Variants in FANCL observed in about 807,000 individuals in gnomAD.
The protein encoded by FANCL is FA complementation group L, also known as E3 ubiquitin-protein ligase FANCL.
In FANCL, 69 loss-of-function variants were observed where a neutral mutation model predicts 59.4. That is an observed-to-expected ratio of 1.16 (90% CI 0.96 to 1.42). The LOEUF (loss-of-function observed/expected upper bound fraction) is 1.42. Among genes scored for constraint, FANCL ranks in the 40% most tolerant of loss-of-function variants. The pLI, the probability that FANCL is intolerant of heterozygous loss-of-function variation, is 0.00. For missense variants in FANCL, 519 were observed against 447.2 expected, an observed-to-expected ratio of 1.16 and a Z score of -1.45; for synonymous variants, 180 against 147.1, an observed-to-expected ratio of 1.22 and a Z score of -1.62.
At chr2:58,161,424 A>G in intron 12 of FANCL, 98 bp downstream of exon 12, 2 of 827,080 alleles carry the variant, frequency 2.4e-6, no homozygotes, top group African/African-American at 1.7e-5. Flanking sequence ...GAGGATCACT[A>G]TTGACTCAAC....
rs1337676826 is a variant in FANCL at position 58,163,459 on chromosome 2, C to T, written c.750G>A (p.Glu250=). The change falls in exon 9 of 14, where the codon GAG becomes GAA. Residue 250 remains glutamate (E), a synonymous_variant. Transcript: ENST00000233741. The part of the protein sequence containing the change: ...VDPRHPTMLP[E]CFFLGADHVV... Reference sequence around the variant, plus strand: ...CATGGTCAGCTCCAAGAAAGAAGCACTCAGGAAGCATAGTAGGATGCCTGG... The same window carrying T: ...CATGGTCAGCTCCAAGAAAGAAGCATTCAGGAAGCATAGTAGGATGCCTGG... The T allele has an allele frequency of 1.9e-6, 3 of 1,610,894 alleles. No homozygotes were observed. Among genetic ancestry groups the T allele is most frequent in the Non-Finnish European group, 2.5e-6 (3 of 1,177,446 alleles).
chr2:58,220,378 A>T (rs1291560184), intron 5 of FANCL, among the ~76,000 whole-genome samples: 3 of 152,170 alleles, frequency 2.0e-5, no homozygotes, highest in Admixed American at 6.5e-5. Flanking sequence ...GTCAAATTTT[A>T]GTGGTTAAAA....
intron 1 of FANCL, among the ~76,000 whole-genome samples, chr2:58,233,946 GT>G (rs2103949216): frequency 6.6e-6 from 1 of 151,102 alleles, no homozygotes; most frequent in African/African-American, 2.4e-5. Context: ...TCTTATACGA[GT>G]AAATAAAAAA....
At chr2:58,161,315 A>G (rs1415194533) in intron 12 of FANCL, among the ~76,000 whole-genome samples, 2 of 151,904 alleles carry the variant, frequency 1.3e-5, no homozygotes, top group East Asian at 3.9e-4. Flanking sequence ...TCTCCCTTGG[A>G]TACTTCAGAA....
rs774067966 is a variant in FANCL, at chr2:58,159,789, T to TA, written c.1103dup (p.Leu368PhefsTer11). The TA allele has an allele frequency of 1.2e-6, 2 of 1,612,964 alleles. No individual in the cohort carries two copies. The highest frequency in any genetic ancestry group is 2.7e-5 in the African/African-American group (2 of 75,018). On this transcript the variant is annotated frameshift_variant, in exon 14 of 14. Transcript: ENST00000233741. LOFTEE classifies it high-confidence loss of function. ...TTCAGTGTTTCCTTCCAGACATTTT[T>TA]AAGGTAATTGGCTTTAAAAAGAGAA...
chr2:58,186,823 T>C (rs1021405145), intron 7 of FANCL, among the ~76,000 whole-genome samples: 1 of 152,118 alleles, frequency 6.6e-6, no homozygotes, highest in Non-Finnish European at 1.5e-5. Context: ...ACTGAAGCAA[T>C]GTGGTTGAGT....
At chr2:58,172,479 C>T (rs747489023) in intron 7 of FANCL, among the ~76,000 whole-genome samples, 10 of 152,156 alleles carry the variant, frequency 6.6e-5, no homozygotes, top group African/African-American at 9.6e-5. Context: ...GCTACTGGTA[C>T]CCAGGCAAAC....
chr2:58,204,716 T>A (rs566276511), intron 5 of FANCL, among the ~76,000 whole-genome samples: 23 of 152,240 alleles, frequency 1.5e-4, no homozygotes, highest in African/African-American at 5.5e-4. Flanking sequence ...ATACTCAAAT[T>A]GATCCTCTAA....
chr2:58,221,704 TCTTA>T (rs1386457259), intron 5 of FANCL, among the ~76,000 whole-genome samples: 18 of 152,320 alleles, frequency 1.2e-4, no homozygotes, highest in East Asian at 9.6e-4. Flanking sequence ...TACGGTAACA[TCTTA>T]CTGTGTACAT....
intron 4 of FANCL, among the ~76,000 whole-genome samples, chr2:58,225,422 T>C (rs995371701): frequency 1.3e-5 from 2 of 152,004 alleles, no homozygotes; most frequent in Non-Finnish European, 2.9e-5. Flanking sequence ...ATGCAGATGA[T>C]GGAATTTTTA....
chr2:58,226,685 C>G (rs779198812), intron 4 of FANCL, 43 bp downstream of exon 4: 1 of 1,416,230 alleles, frequency 7.1e-7, no homozygotes, highest in South Asian at 1.2e-5. Flanking sequence ...GAAATCAAGA[C>G]TTGCAGTATG....
In FANCL at chr2:58,160,196, A is replaced by G; in HGVS notation, c.1021-17T>C. On this transcript the variant is annotated splice_polypyrimidine_tract_variant and intron_variant, in intron 12 of 13. Transcript: ENST00000233741. ...TCTCAGCCACTGCAAATTTTAAAAG[A>G]TAAAGGAGAAGCGTCAGCATGATTA... The G allele has an allele frequency of 6.2e-7, 1 of 1,611,184 alleles. No homozygotes were observed. Among genetic ancestry groups the G allele is most frequent in the Non-Finnish European group, 8.5e-7 (1 of 1,177,596 alleles).
intron 12 of FANCL, 133 bp downstream of exon 12, chr2:58,161,389 G>A: frequency 4.2e-6 from 3 of 716,614 alleles, no homozygotes; most frequent in Non-Finnish European, 2.6e-6. Flanking sequence ...GGAATAAACT[G>A]GTAAAAGGAG....
At chr2:58,239,097 G>GA (rs1272500559) in intron 1 of FANCL, among the ~76,000 whole-genome samples, 2 of 152,172 alleles carry the variant, frequency 1.3e-5, no homozygotes, top group Non-Finnish European at 2.9e-5. Context: ...ACAAGAGTTA[G>GA]AAAATCATCA....
At position 58,204,365 on chromosome 2, in the gene FANCL, C is replaced by T. The variant is rs1306570038; in HGVS notation, c.375-139G>A. On this transcript the variant is annotated intron_variant, in intron 5 of 13. Coordinates refer to ENST00000233741, the MANE Select transcript of FANCL (RefSeq NM_018062.4). ...AAAAATCAGAGCAATTTCTGCATGC[C>T]AACCCTTTCTGCTGCTATAGATTTA... 44 of 726,926 alleles carry T rather than the reference C, an allele frequency of 6.1e-5. No individual in the cohort carries two copies. In the Admixed American group the frequency reaches 8.3e-4, roughly 14 times the overall value. The allele number at this position is 726,926 out of a possible 1,614,324, so 45.0% of individuals were successfully genotyped here.
intron 1 of FANCL, among the ~76,000 whole-genome samples, chr2:58,233,852 G>C (rs974534817): frequency 1.3e-5 from 2 of 151,964 alleles, no homozygotes; most frequent in African/African-American, 4.8e-5. Flanking sequence ...ATGCTTTAGA[G>C]GCAGAAGATA....
chr2:58,202,525 T>G (rs1233480027), intron 6 of FANCL, among the ~76,000 whole-genome samples: 1 of 151,824 alleles, frequency 6.6e-6, no homozygotes, highest in Non-Finnish European at 1.5e-5. Context: ...AAACAGTTTT[T>G]TTTTTCTTTT....
intron 5 of FANCL, among the ~76,000 whole-genome samples, chr2:58,211,249 G>A (rs1691121761): frequency 6.6e-6 from 1 of 152,246 alleles, no homozygotes; most frequent in Admixed American, 6.5e-5. Context: ...TGCACCCACA[G>A]GCTCAACAAC....
At chr2:58,198,856 G>A (rs1056182335) in intron 6 of FANCL, among the ~76,000 whole-genome samples, 194 bp from the exon 7 acceptor site, 2 of 151,734 alleles carry the variant, frequency 1.3e-5, no homozygotes, top group African/African-American at 2.4e-5. Context: ...GTGAAACCTC[G>A]CCTCTACTAA....
Sources: allele counts gnomAD v4.1 joint callset (sites outside exome capture counted in the v4.1 genomes callset), GRCh38; gene constraint gnomAD v4.1.1; transcripts MANE v1.5; gene names NCBI Gene and HGNC (gene_info 2026-07-23, HGNC 2026-07-21).